Variants in MAF observed in about 807,000 individuals in gnomAD.
MAF encodes the protein MAF bZIP transcription factor.
A neutral mutation model predicts 22.0 loss-of-function variants in MAF; 10 were observed. The observed-to-expected ratio is 0.45, with a 90% CI of 0.28 to 0.77. The LOEUF is 0.77. Among genes scored for constraint, MAF ranks in the 30% least tolerant of loss-of-function variants. The pLI is 0.12. For synonymous variants in MAF, 337 were observed against 255.8 expected (o/e 1.32, Z -3.03); for missense variants, 544 against 548.4 (o/e 0.99, Z 0.08).
chr16:79,457,394 T>TC, the MAF span, among the ~76,000 whole-genome samples: 1 of 151,288 alleles, frequency 6.6e-6, no homozygotes, highest in Non-Finnish European at 1.5e-5. Flanking sequence ...CTTTGGTTTT[T>TC]TTTTTTTTTT....
the MAF span, among the ~76,000 whole-genome samples, chr16:79,453,284 C>T: frequency 1.2e-4 from 18 of 152,168 alleles, no homozygotes; most frequent in African/African-American, 4.3e-4. Flanking sequence ...GTATCATATT[C>T]ACCATGCTTC....
At chr16:79,342,197 G>T in the MAF span, among the ~76,000 whole-genome samples, 1 of 152,288 alleles carries the variant, frequency 6.6e-6, no homozygotes, top group East Asian at 1.9e-4. Context: ...GTCCCAATCA[G>T]CTCTCTCCCA....
chr16:79,310,752 T>C, the MAF span, among the ~76,000 whole-genome samples: 1 of 152,218 alleles, frequency 6.6e-6, no homozygotes, highest in Non-Finnish European at 1.5e-5. Context: ...GTGTTATCTT[T>C]GGGAAATTGT....
downstream of MAF, among the ~76,000 whole-genome samples, chr16:79,591,351 C>G (rs991190679): frequency 1.1e-4 from 17 of 152,264 alleles, no homozygotes; most frequent in Admixed American, 1.1e-3. Flanking sequence ...TCCCAAAGCT[C>G]AGCAGACACG....
At chr16:79,404,317 C>A in the MAF span, among the ~76,000 whole-genome samples, 1 of 152,066 alleles carries the variant, frequency 6.6e-6, no homozygotes, top group East Asian at 1.9e-4. Context: ...GTGCCCACCA[C>A]CACACCGTGC....
chr16:79,508,030 C>G, the MAF span, among the ~76,000 whole-genome samples: 12 of 152,210 alleles, frequency 7.9e-5, 1 homozygote, highest in South Asian at 4.1e-4. Context: ...GAGCAGGAGA[C>G]ATGGACGTGA....
the MAF span, among the ~76,000 whole-genome samples, chr16:79,357,192 G>A: frequency 1.3e-5 from 2 of 152,016 alleles, no homozygotes; most frequent in African/African-American, 4.8e-5. Flanking sequence ...GGAGCCAGAG[G>A]TTGCAACGAG....
the MAF span, among the ~76,000 whole-genome samples, chr16:79,391,729 C>A: frequency 2.6e-5 from 4 of 152,156 alleles, no homozygotes; most frequent in Non-Finnish European, 5.9e-5. Flanking sequence ...AATGGAAATG[C>A]GGCTGCGTCA....
the MAF span, among the ~76,000 whole-genome samples, chr16:79,370,831 A>G: frequency 1.3e-5 from 2 of 152,020 alleles, no homozygotes; most frequent in Non-Finnish European, 2.9e-5. Context: ...CCTTTTCATA[A>G]TTCACTGTCT....
the MAF span, among the ~76,000 whole-genome samples, chr16:79,224,473 T>G: frequency 6.6e-6 from 1 of 152,156 alleles, no homozygotes; most frequent in South Asian, 2.1e-4. Context: ...CCTCTCTCAC[T>G]GCTCCTATTC....
chr16:79,263,594 C>G, the MAF span, among the ~76,000 whole-genome samples: 16 of 152,352 alleles, frequency 1.1e-4, no homozygotes, highest in South Asian at 4.1e-4. Flanking sequence ...TCCGTTTTCT[C>G]TGTTCCTCAT....
the MAF span, among the ~76,000 whole-genome samples, chr16:79,570,201 A>T: frequency 2.0e-5 from 3 of 152,090 alleles, no homozygotes; most frequent in Non-Finnish European, 4.4e-5. Flanking sequence ...GGATGGAAAT[A>T]AGATTTACCT....
chr16:79,490,391 C>T, the MAF span, among the ~76,000 whole-genome samples: 137 of 152,316 alleles, frequency 9.0e-4, no homozygotes, highest in African/African-American at 3.2e-3. Context: ...GCTGGGCGAG[C>T]AGCCTGTGGA....
In MAF at chr16:79,594,207, G is replaced by A. The variant is rs1913361059; in HGVS notation, c.*253C>T. ...GTGAATTTTTAAAACTAGTATGGCA[G>A]GTTGAAAGCAATGCACCTGTTTACT... On this transcript the variant is annotated 3_prime_UTR_variant, in exon 2 of 2. Coordinates refer to ENST00000326043, the MANE Select transcript of MAF (RefSeq NM_005360.5). 6.3e-6 allele frequency: 3 copies of A among 473,350 alleles called. No homozygotes were observed. In the South Asian group the frequency reaches 7.9e-5, roughly 12 times the overall value. 29.3% of individuals were successfully genotyped at this position (473,350 alleles called of 1,614,324 possible).
chr16:79,452,358 CCTTAA>C, the MAF span, among the ~76,000 whole-genome samples: 1 of 152,012 alleles, frequency 6.6e-6, no homozygotes, highest in Non-Finnish European at 1.5e-5. Context: ...TTATTTTGTG[CCTTAA>C]CTACATATAT....
chr16:79,416,972 G>C, the MAF span, among the ~76,000 whole-genome samples: 1 of 152,176 alleles, frequency 6.6e-6, no homozygotes, highest in Non-Finnish European at 1.5e-5. Flanking sequence ...CAGCACACCA[G>C]CTTTATATTC....
chr16:79,254,813 C>T, the MAF span, among the ~76,000 whole-genome samples: 1 of 152,186 alleles, frequency 6.6e-6, no homozygotes, highest in Non-Finnish European at 1.5e-5. Context: ...ACGCACCAAC[C>T]TTTTGTTTCA....
the MAF span, among the ~76,000 whole-genome samples, chr16:79,218,356 G>A: frequency 9.2e-5 from 14 of 152,182 alleles, no homozygotes; most frequent in African/African-American, 2.9e-4. Context: ...GGGACATTTA[G>A]GTTATTTCTA....
At chr16:79,225,926 T>C in the MAF span, among the ~76,000 whole-genome samples, 1 of 152,202 alleles carries the variant, frequency 6.6e-6, no homozygotes, top group Admixed American at 6.5e-5. Flanking sequence ...TTTACACTGT[T>C]GGTGAGAGTG....
Sources: allele counts gnomAD v4.1 joint callset (sites outside exome capture counted in the v4.1 genomes callset), GRCh38; gene constraint gnomAD v4.1.1; transcripts MANE v1.5; gene names NCBI Gene and HGNC (gene_info 2026-07-23, HGNC 2026-07-21).